Variants in PHF14 observed in about 807,000 individuals in gnomAD.
PHF14 encodes PHD finger protein 14.
In PHF14, 55 loss-of-function variants were observed where a neutral mutation model predicts 117.9. That is an observed-to-expected ratio of 0.47 (90% CI 0.38 to 0.58). The LOEUF (loss-of-function observed/expected upper bound fraction) is 0.58, where lower values mean the gene tolerates loss of function less well. Ranked by LOEUF, PHF14 falls within the 20% of genes least tolerant of loss-of-function variation. The pLI, the probability that PHF14 is intolerant of heterozygous loss-of-function variation, is 0.00. For missense variants in PHF14, 978 were observed against 1,122.2 expected (o/e 0.87, Z 1.84); for synonymous variants, 409 against 368.6 (o/e 1.11, Z -1.26).
chr7:11,022,204 A>C, intron 5 of PHF14, among the ~76,000 whole-genome samples: 1 of 152,146 alleles, frequency 6.6e-6, no homozygotes, highest in African/African-American at 2.4e-5. Flanking sequence ...GCATCATTCA[A>C]ACTTTAATAA....
chr7:10,974,174 G>C lies in PHF14; in HGVS notation c.-150G>C, dbSNP rs1157113946. 5 of 693,478 alleles carry C rather than the reference G, an allele frequency of 7.2e-6. No individual in the cohort carries two copies. The highest frequency in any genetic ancestry group is 4.3e-5 in the Admixed American group (2 of 46,572). 43.0% of individuals were successfully genotyped at this position (693,478 alleles called of 1,614,324 possible). On this transcript the variant is annotated 5_prime_UTR_variant, in exon 1 of 18. Coordinates refer to ENST00000634607, the MANE Select transcript of PHF14 (RefSeq NM_001007157.2). ...GTTAGGGGACCGCGGGGCTACTCTT[G>C]GGAGCGCCCCTGTCCGGCTGGCTGC...
At chr7:10,980,778 A>C (rs1378193046) in intron 2 of PHF14, among the ~76,000 whole-genome samples, 1 of 152,196 alleles carries the variant, frequency 6.6e-6, no homozygotes, top group Non-Finnish European at 1.5e-5. Context: ...CATGGACTTC[A>C]CTGGGGGTAT....
At chr7:11,027,438 T>A (rs145234703) in intron 6 of PHF14, among the ~76,000 whole-genome samples, 209 of 152,290 alleles carry the variant, frequency 1.4e-3, no homozygotes, top group African/African-American at 4.8e-3. Flanking sequence ...CCATTGTCAG[T>A]CTTTCATAAT....
chr7:10,984,819 T>G (rs1428711966), intron 3 of PHF14, among the ~76,000 whole-genome samples: 1 of 152,172 alleles, frequency 6.6e-6, no homozygotes, highest in Non-Finnish European at 1.5e-5. Flanking sequence ...ATGTGTTGGT[T>G]GTTTAGTTTT....
intron 16 of PHF14, among the ~76,000 whole-genome samples, chr7:11,068,561 T>C (rs1192803490): frequency 6.6e-6 from 1 of 151,980 alleles, no homozygotes; most frequent in Admixed American, 6.6e-5. Context: ...GTTTAAGGGG[T>C]ACAGAGTTTC....
chr7:11,005,482 T>A (rs1783049356), intron 4 of PHF14, among the ~76,000 whole-genome samples: 2 of 152,228 alleles, frequency 1.3e-5, no homozygotes, highest in Non-Finnish European at 2.9e-5. Context: ...CACTTCTCTC[T>A]CTTTCTCTCA....
chr7:10,988,520 T>G, intron 3 of PHF14, among the ~76,000 whole-genome samples: 1 of 148,120 alleles, frequency 6.8e-6, no homozygotes, highest in Admixed American at 6.9e-5. Flanking sequence ...GTTTGCTAAA[T>G]TAGTTTCTAG....
chr7:11,068,146 C>G (rs949972600), intron 16 of PHF14, among the ~76,000 whole-genome samples: 2 of 151,922 alleles, frequency 1.3e-5, no homozygotes, highest in African/African-American at 4.8e-5. Flanking sequence ...GTCAGGAGAT[C>G]GAGACCATCC....
chr7:11,168,936 C>T (rs554745806), intron 17 of PHF14, among the ~76,000 whole-genome samples: 6 of 152,032 alleles, frequency 3.9e-5, no homozygotes, highest in African/African-American at 1.2e-4. Flanking sequence ...CATTCTAAGC[C>T]GACATGCACA....
In PHF14 at chr7:11,117,036, A is replaced by C. The variant is rs144614492; in HGVS notation, c.2772+5569A>C. Among the ~76,000 whole-genome samples, 150 of 152,074 alleles carry C rather than the reference A, an allele frequency of 9.9e-4. 2 individuals carry two copies. The East Asian group carries it at 0.019, about 20-fold the overall frequency. ...AGATCTCAACAACTTGTATCTGCTG[A>C]AACACTTAAAATGATGATAACTTGT... On this transcript the variant is annotated intron_variant, in intron 17 of 17. Transcript: ENST00000634607.
chr7:11,133,656 A>G (rs1260921456), intron 17 of PHF14, among the ~76,000 whole-genome samples: 1 of 151,850 alleles, frequency 6.6e-6, no homozygotes, highest in Non-Finnish European at 1.5e-5. Context: ...CTTTTTTCAA[A>G]ATAGAACATG....
intron 3 of PHF14, among the ~76,000 whole-genome samples, chr7:10,985,120 A>T (rs1211710106): frequency 1.3e-5 from 2 of 152,154 alleles, no homozygotes; most frequent in Non-Finnish European, 2.9e-5. Context: ...TAAAAAACTA[A>T]TCAATTGTGA....
chr7:11,091,121 C>T (rs895934749), intron 16 of PHF14, among the ~76,000 whole-genome samples: 4 of 152,146 alleles, frequency 2.6e-5, no homozygotes, highest in African/African-American at 9.7e-5. Context: ...CTGATGAACA[C>T]ATGGGCAGCT....
intron 13 of PHF14, among the ~76,000 whole-genome samples, chr7:11,046,842 A>C (rs1238618764): frequency 6.6e-6 from 1 of 152,064 alleles, no homozygotes; most frequent in East Asian, 1.9e-4. Flanking sequence ...ACAGGAGAAA[A>C]CATGGCTAAC....
intron 17 of PHF14, among the ~76,000 whole-genome samples, chr7:11,159,261 GT>G (rs1434488672): frequency 2.0e-5 from 3 of 151,736 alleles, no homozygotes; most frequent in Non-Finnish European, 4.4e-5. Flanking sequence ...TTTGTTTTTG[GT>G]TTTTGACATG....
intron 17 of PHF14, among the ~76,000 whole-genome samples, chr7:11,139,468 A>G (rs1467325342): frequency 6.6e-6 from 1 of 152,210 alleles, no homozygotes; most frequent in Non-Finnish European, 1.5e-5. Context: ...ATGCAGGAAC[A>G]TAATCAAGTT....
At position 11,169,554 on chromosome 7, in the gene PHF14, T is replaced by A; in HGVS notation, c.*64T>A. On this transcript the variant is annotated 3_prime_UTR_variant, in exon 18 of 18. Coordinates refer to ENST00000634607, the MANE Select transcript of PHF14 (RefSeq NM_001007157.2). ...TGTAATAGCAGATAAAATTTCTAAT[T>A]GTAAAATGTTAAATTGTAAAATCTA... 7.6e-6 allele frequency: 5 copies of A among 661,640 alleles called. No individual in the cohort carries two copies. Among genetic ancestry groups the A allele is most frequent in the Non-Finnish European group, 2.5e-6 (1 of 406,200 alleles). The allele number at this position is 661,640 out of a possible 1,614,324, so 41.0% of individuals were successfully genotyped here.
intron 16 of PHF14, among the ~76,000 whole-genome samples, chr7:11,066,973 A>G (rs1170461228): frequency 6.6e-6 from 1 of 152,214 alleles, no homozygotes; most frequent in African/African-American, 2.4e-5. Context: ...AAGTTGGACT[A>G]AATTCAAAGT....
chr7:11,023,594 A>AGTTG, intron 6 of PHF14, among the ~76,000 whole-genome samples: 2 of 152,210 alleles, frequency 1.3e-5, no homozygotes, highest in African/African-American at 2.4e-5. Context: ...CGGGAGGCCA[A>AGTTG]GGTGGGCAGA....
Sources: allele counts gnomAD v4.1 joint callset (sites outside exome capture counted in the v4.1 genomes callset), GRCh38; gene constraint gnomAD v4.1.1; transcripts MANE v1.5; gene names NCBI Gene and HGNC (gene_info 2026-07-23, HGNC 2026-07-21).